The following GRAMD1A variants were observed in gnomAD, a reference collection of about 807,000 sequenced individuals.
GRAMD1A encodes the protein protein Aster-A.
GRAMD1A carries 50 observed loss-of-function variants against 92.0 expected under a neutral mutation model. That is an observed-to-expected ratio of 0.54 (90% confidence interval 0.43 to 0.69). The LOEUF (loss-of-function observed/expected upper bound fraction) is 0.69, where lower values mean the gene tolerates loss of function less well. Among genes scored for constraint, GRAMD1A ranks in the 30% least tolerant of loss-of-function variants. The pLI is 0.00. For synonymous variants in GRAMD1A, 405 were observed against 403.6 expected (o/e 1.00, Z -0.04); for missense variants, 819 against 978.9 (o/e 0.84, Z 2.18).
rs1293053568 is a variant in GRAMD1A, at chr19:35,013,397, G to A, written c.719+29G>A. 1.3e-6 allele frequency: 2 copies of A among 1,514,252 alleles called. No homozygotes were observed. The highest frequency in any genetic ancestry group is 1.9e-5 in the Admixed American group (1 of 53,238). The allele number at this position is 1,514,252 out of a possible 1,614,324, so 93.8% of individuals were successfully genotyped here. Reference sequence around the variant, plus strand: ...AGTTGGAGGTCAAAGGAGGTTGAAGGGTTCGGGGGAGAACAGGACGGTCGG... The same window carrying A: ...AGTTGGAGGTCAAAGGAGGTTGAAGAGTTCGGGGGAGAACAGGACGGTCGG... On this transcript the variant is annotated intron_variant, in intron 8 of 19. Transcript: ENST00000317991. This position sits in a 1 kb window ranked among gnomAD's most constrained non-coding sequence, Gnocchi z 4.9.
intron 11 of GRAMD1A, among the ~76,000 whole-genome samples, chr19:35,017,150 G>A (rs2015697748): frequency 6.6e-6 from 1 of 150,702 alleles, no homozygotes; most frequent in African/African-American, 2.4e-5. Context: ...ACCTCAGCCT[G>A]GGTGACAGAG....
chr19:35,008,975 G>A (rs2015019089), intron 1 of GRAMD1A, 144 bp from the exon 2 acceptor site: 2 of 656,440 alleles, frequency 3.0e-6, no homozygotes, highest in South Asian at 3.6e-5. Context: ...TGTTCTGAGT[G>A]TCACTGCTGG....
intron 2 of GRAMD1A, 24 bp downstream of exon 2, chr19:35,009,353 G>C (rs1449527747): frequency 1.9e-6 from 3 of 1,613,636 alleles, no homozygotes; most frequent in Non-Finnish European, 1.7e-6. Flanking sequence ...CAGGTGGGGT[G>C]GGGAGAGGGC....
intron 7 of GRAMD1A, among the ~76,000 whole-genome samples, chr19:35,011,881 A>G (rs1289492259): frequency 6.6e-6 from 1 of 152,204 alleles, no homozygotes; most frequent in Admixed American, 6.5e-5. Flanking sequence ...GCTGGTCCAC[A>G]GCACCTCAGA....
intron 13 of GRAMD1A, among the ~76,000 whole-genome samples, chr19:35,020,608 ATGATCACACCG>A (rs2151731690): frequency 6.7e-6 from 1 of 150,278 alleles, no homozygotes; most frequent in Non-Finnish European, 1.5e-5. Flanking sequence ...TCAGTGAGCC[ATGATCACACCG>A]TTGCACTTCA....
At chr19:35,006,765 C>G (rs1482745503) in intron 1 of GRAMD1A, among the ~76,000 whole-genome samples, 1 of 152,226 alleles carries the variant, frequency 6.6e-6, no homozygotes, top group Non-Finnish European at 1.5e-5. Flanking sequence ...CGGTGGTAAC[C>G]AAGACCTGAA....
rs367650191 is a variant in GRAMD1A at position 35,009,199 on chromosome 19, G to C, written c.89G>C (p.Arg30Pro). The change falls in exon 2 of 20, where the codon CGG becomes CCG. Residue 30 changes from arginine to proline, a missense_variant. Physicochemically the swap from Arg to Pro is moderately radical, Grantham distance 103. Around this residue, in one of 3 missense-constraint regions of GRAMD1A, gnomAD observed 98 missense variants for 84.0 expected, o/e 1.17. Coordinates refer to ENST00000317991, the MANE Select transcript of GRAMD1A (RefSeq NM_020895.5). ...CGGCTGCAGCTCCTGCCCCCAAGCC[G>C]GCCCCCACCTGAGCCAGAACCAGGC... ...RKRLQLLPPSRPPPEPEPGTM... is the reference protein window; with the variant it reads ...RKRLQLLPPSPPPPEPEPGTM... 6.2e-7 allele frequency: 1 copy of C among 1,613,698 alleles called. No individual in the cohort carries two copies. Among genetic ancestry groups the C allele is most frequent in the Non-Finnish European group, 8.5e-7 (1 of 1,179,644 alleles).
chr19:35,012,444 C>G (rs1241143580), intron 7 of GRAMD1A, among the ~76,000 whole-genome samples: 1 of 152,254 alleles, frequency 6.6e-6, no homozygotes, highest in African/African-American at 2.4e-5. Flanking sequence ...GCTATCATCA[C>G]TTACTGTTAA....
At chr19:35,018,648 T>C (rs949166216) in intron 11 of GRAMD1A, among the ~76,000 whole-genome samples, 1 of 152,160 alleles carries the variant, frequency 6.6e-6, no homozygotes, top group African/African-American at 2.4e-5. Context: ...ATGGGGAGAC[T>C]GAGGCCAGAC....
In GRAMD1A at chr19:35,013,248, C is replaced by T; in HGVS notation, c.607-8C>T. Reference sequence around the variant, plus strand: ...GATGGAGGCCAACCCCAGGTCCCGCCTCCCCAGACGCTGAGTCCCCGCGAG... The same window carrying T: ...GATGGAGGCCAACCCCAGGTCCCGCTTCCCCAGACGCTGAGTCCCCGCGAG... On this transcript the variant is annotated splice_region_variant and splice_polypyrimidine_tract_variant and intron_variant, in intron 7 of 19. Coordinates refer to ENST00000317991, the MANE Select transcript of GRAMD1A (RefSeq NM_020895.5). The surrounding 1 kb of genome is among the most constrained non-coding windows in gnomAD (Gnocchi z 4.9). 1 of 1,501,684 alleles carries T rather than the reference C, an allele frequency of 6.7e-7. No individual in the cohort carries two copies. Among genetic ancestry groups the T allele is most frequent in the Non-Finnish European group, 9.0e-7 (1 of 1,105,848 alleles). 93.0% of individuals were successfully genotyped at this position (1,501,684 alleles called of 1,614,324 possible).
intron 10 of GRAMD1A, 132 bp downstream of exon 10, chr19:35,014,519 C>T (rs924463613): frequency 1.4e-6 from 1 of 735,562 alleles, no homozygotes; most frequent in African/African-American, 1.8e-5. Context: ...GGCGCTGTTG[C>T]TAGAAATCTC....
chr19:35,008,953 C>T (rs555166788), intron 1 of GRAMD1A, among the ~76,000 whole-genome samples, 166 bp from the exon 2 acceptor site: 1 of 152,326 alleles, frequency 6.6e-6, no homozygotes, highest in East Asian at 1.9e-4. Flanking sequence ...AGCACAGAGA[C>T]GTTAAGGAGC....
At chr19:35,001,408 G>A (rs1001687589) in intron 1 of GRAMD1A, among the ~76,000 whole-genome samples, 2 of 152,098 alleles carry the variant, frequency 1.3e-5, no homozygotes, top group Admixed American at 6.5e-5. Context: ...TGGAGTTACC[G>A]TGTGTAGCAG....
At chr19:34,995,581 T>G (rs986572040), upstream of GRAMD1A, among the ~76,000 whole-genome samples, 16 of 142,534 alleles carry the variant, frequency 1.1e-4, no homozygotes, top group Admixed American at 2.1e-4. Flanking sequence ...GTTTTTTTTT[T>G]TTTTTTTTTT....
chr19:35,019,822 A>G (rs2015920474), intron 13 of GRAMD1A, among the ~76,000 whole-genome samples: 3 of 152,220 alleles, frequency 2.0e-5, no homozygotes, highest in South Asian at 2.1e-4. Flanking sequence ...ATTGGACAAT[A>G]GAGAAATGAT....
chr19:35,010,032 G>A (rs752544198), intron 4 of GRAMD1A, 60 bp downstream of exon 4: 73 of 1,529,726 alleles, frequency 4.8e-5, no homozygotes, highest in African/African-American at 6.8e-5. Context: ...CCGCCAGCCC[G>A]CGGGCGCCGG....
chr19:35,015,710 C>A, intron 10 of GRAMD1A, 114 bp from the exon 11 acceptor site: 1 of 970,618 alleles, frequency 1.0e-6, no homozygotes, highest in Non-Finnish European at 1.5e-6. Context: ...AGCTGTGCTC[C>A]AGGAGGTGGG....
At chr19:35,009,592 G>A in intron 3 of GRAMD1A, 149 bp downstream of exon 3, 2 of 813,524 alleles carry the variant, frequency 2.5e-6, no homozygotes, top group Non-Finnish European at 4.1e-6. Flanking sequence ...TATGTGCTGT[G>A]TGACCTTGGG....
At chr19:35,022,863 C>G in intron 16 of GRAMD1A, 37 bp from the exon 17 acceptor site, 2 of 1,599,398 alleles carry the variant, frequency 1.3e-6, no homozygotes, top group Non-Finnish European at 1.7e-6. Flanking sequence ...CCAGGCGGCG[C>G]TCATCTCTCT....
Sources: allele counts gnomAD v4.1 joint callset (sites outside exome capture counted in the v4.1 genomes callset), GRCh38; gene constraint gnomAD v4.1.1; regional missense constraint gnomAD v4.1.1; non-coding constraint Gnocchi (gnomAD v3.1); transcripts MANE v1.5; gene names NCBI Gene and HGNC (gene_info 2026-07-23, HGNC 2026-07-21).